The following CCDC148 variants were observed in gnomAD, a reference collection of about 807,000 sequenced individuals.
CCDC148 encodes the protein coiled-coil domain-containing protein 148.
A neutral mutation model predicts 85.7 loss-of-function variants in CCDC148; 89 were observed. The observed-to-expected ratio is 1.04, with a 90% CI of 0.87 to 1.24. The LOEUF (loss-of-function observed/expected upper bound fraction) is 1.24. Ranked by LOEUF, CCDC148 falls within the 50% of genes most tolerant of loss-of-function variation. CCDC148 has a pLI of 0.00. For missense variants in CCDC148, 692 were observed against 671.7 expected (o/e 1.03, Z -0.33); for synonymous variants, 230 against 213.9 (o/e 1.08, Z -0.66).
chr2:158,435,198 A>G (rs1404325048), intron 1 of CCDC148, among the ~76,000 whole-genome samples: 1 of 152,208 alleles, frequency 6.6e-6, no homozygotes, highest in African/African-American at 2.4e-5. Context: ...GGTGGAAATG[A>G]AGGAAAAAAT....
At chr2:158,447,928 C>G (rs1269363217) in intron 1 of CCDC148, among the ~76,000 whole-genome samples, 1 of 152,084 alleles carries the variant, frequency 6.6e-6, no homozygotes, top group Non-Finnish European at 1.5e-5. Flanking sequence ...TTTAATGGAT[C>G]ACAATTTTGG....
chr2:158,336,618 T>C (rs1303628362), intron 7 of CCDC148, among the ~76,000 whole-genome samples: 1 of 152,170 alleles, frequency 6.6e-6, no homozygotes, highest in Non-Finnish European at 1.5e-5. Context: ...CTGAATAAAA[T>C]GTATTATGGA....
chr2:158,434,424 G>C (rs113188453), intron 1 of CCDC148, among the ~76,000 whole-genome samples: 11,240 of 152,214 alleles, frequency 0.074, 554 homozygotes, highest in Middle Eastern at 0.14. Flanking sequence ...TGTTAGAAAG[G>C]AAAACTAACA....
intron 7 of CCDC148, among the ~76,000 whole-genome samples, chr2:158,323,216 T>A (rs1692602332): frequency 6.6e-6 from 1 of 152,218 alleles, no homozygotes; most frequent in African/African-American, 2.4e-5. Context: ...GTCCAAGATG[T>A]TAGCCCCTAG....
intron 2 of CCDC148, 143 bp from the exon 3 acceptor site, chr2:158,345,461 A>G: frequency 1.9e-6 from 1 of 539,144 alleles, no homozygotes; most frequent in Non-Finnish European, 3.2e-6. Flanking sequence ...CACAAAATCT[A>G]CCTAAAATAA....
In CCDC148 at chr2:158,172,061, T is replaced by C. The variant is rs894133136; in HGVS notation, c.*52A>G. ...AAAGTAGTAATTATTATTATCCATA[T>C]ACATGTTTTCAAAGAAAAATGCTCT... On this transcript the variant is annotated 3_prime_UTR_variant, in exon 14 of 14. Coordinates refer to ENST00000283233, the MANE Select transcript of CCDC148 (RefSeq NM_138803.4). 41 of 1,277,126 alleles carry C rather than the reference T, an allele frequency of 3.2e-5. No individual in the cohort carries two copies. Among genetic ancestry groups the C allele is most frequent in the Non-Finnish European group, 4.2e-5 (38 of 912,712 alleles). 79.1% of individuals were successfully genotyped at this position (1,277,126 alleles called of 1,614,324 possible).
At chr2:158,177,864 C>T (rs1379271943) in intron 12 of CCDC148, among the ~76,000 whole-genome samples, 1 of 152,084 alleles carries the variant, frequency 6.6e-6, no homozygotes, top group Non-Finnish European at 1.5e-5. Flanking sequence ...TTGAAGAAAG[C>T]ACCTAACCTC....
At chr2:158,238,259 C>T (rs759020828) in intron 10 of CCDC148, among the ~76,000 whole-genome samples, 1 of 151,840 alleles carries the variant, frequency 6.6e-6, no homozygotes, top group Non-Finnish European at 1.5e-5. Context: ...TAAACTTGAG[C>T]AGGAGAAGGG....
At chr2:158,175,909 C>T (rs552337210) in intron 13 of CCDC148, among the ~76,000 whole-genome samples, 6 of 152,060 alleles carry the variant, frequency 3.9e-5, no homozygotes, top group Admixed American at 2.0e-4. Context: ...TTCCCTCCTA[C>T]CTTCCATCCC....
chr2:158,270,267 C>T (rs753583226), intron 9 of CCDC148, among the ~76,000 whole-genome samples: 26 of 152,050 alleles, frequency 1.7e-4, no homozygotes, highest in Admixed American at 1.6e-3. Flanking sequence ...GTGACACATC[C>T]TCATGAGAAT....
intron 9 of CCDC148, among the ~76,000 whole-genome samples, chr2:158,256,864 A>T (rs549366569): frequency 3.4e-4 from 51 of 151,782 alleles, no homozygotes; most frequent in African/African-American, 1.2e-3. Flanking sequence ...TCCCTATTCT[A>T]TTACAGCACG....
intron 9 of CCDC148, among the ~76,000 whole-genome samples, chr2:158,255,296 G>GA (rs869113814): frequency 1.1e-4 from 17 of 149,956 alleles, no homozygotes; most frequent in East Asian, 2.0e-4. Context: ...ATGGTACCAG[G>GA]AAAAAAAAAG....
chr2:158,189,410 G>C (rs1335163873), intron 11 of CCDC148, among the ~76,000 whole-genome samples: 1 of 151,898 alleles, frequency 6.6e-6, no homozygotes, highest in Non-Finnish European at 1.5e-5. Context: ...GTATCTAGCT[G>C]TTCCAAAGGG....
At chr2:158,339,644 G>C (rs977450192) in intron 5 of CCDC148, among the ~76,000 whole-genome samples, 3 of 152,124 alleles carry the variant, frequency 2.0e-5, no homozygotes, top group Non-Finnish European at 4.4e-5. Context: ...AGGGTGGTGT[G>C]ATAGGGAGTG....
intron 1 of CCDC148, among the ~76,000 whole-genome samples, chr2:158,444,706 T>G: frequency 7.5e-6 from 1 of 132,680 alleles, no homozygotes; most frequent in African/African-American, 2.8e-5. Context: ...TCACTTGAGC[T>G]GGGGAGAGGT....
chr2:158,244,372 G>A (rs1688479860), intron 10 of CCDC148, among the ~76,000 whole-genome samples: 1 of 152,038 alleles, frequency 6.6e-6, no homozygotes, highest in Non-Finnish European at 1.5e-5. Context: ...GGTGTGGTTG[G>A]GCTCTCTGCT....
chr2:158,245,066 G>A (rs1292409580), intron 10 of CCDC148, among the ~76,000 whole-genome samples: 2 of 152,130 alleles, frequency 1.3e-5, no homozygotes, highest in Non-Finnish European at 2.9e-5. Flanking sequence ...CCCACACTGG[G>A]AGAATGGTTC....
intron 1 of CCDC148, among the ~76,000 whole-genome samples, chr2:158,372,574 G>A (rs922487431): frequency 2.6e-4 from 39 of 151,996 alleles, no homozygotes; most frequent in African/African-American, 8.2e-4. Context: ...CTTGATGTAA[G>A]AGGTTCACCT....
At chr2:158,340,441 T>C (rs1682623443) in intron 4 of CCDC148, 48 bp from the exon 5 acceptor site, 2 of 1,593,246 alleles carry the variant, frequency 1.3e-6, no homozygotes, top group Non-Finnish European at 1.7e-6. Flanking sequence ...TTATTTTAAG[T>C]GTCTCCAAAA....
Sources: allele counts gnomAD v4.1 joint callset (sites outside exome capture counted in the v4.1 genomes callset), GRCh38; gene constraint gnomAD v4.1.1; transcripts MANE v1.5; gene names NCBI Gene and HGNC (gene_info 2026-07-23, HGNC 2026-07-21).